The following SGCD variants were observed in gnomAD, a reference collection of about 807,000 sequenced individuals.
SGCD encodes delta-sarcoglycan.
Under a neutral mutation model 36.6 loss-of-function variants are expected in SGCD, and 18 were observed. The ratio of observed to expected loss-of-function variants is 0.49; its 90% CI spans 0.34 to 0.73. The LOEUF (loss-of-function observed/expected upper bound fraction) is 0.73, where lower values mean the gene tolerates loss of function less well. SGCD is among the 30% of genes least tolerant of loss of function. SGCD has a pLI of 0.01. For synonymous variants in SGCD, 133 were observed against 130.6 expected (o/e 1.02, Z -0.12); for missense variants, 387 against 346.7 (o/e 1.12, Z -0.92).
chr5:156,573,690 A>T (rs1201972318), intron 4 of SGCD, among the ~76,000 whole-genome samples: 2 of 151,910 alleles, frequency 1.3e-5, no homozygotes, highest in Non-Finnish European at 2.9e-5. Flanking sequence ...TCTTCTTGTT[A>T]TTTTTTATTA....
intron 1 of SGCD, among the ~76,000 whole-genome samples, chr5:155,986,173 G>A (rs1279728920): frequency 2.6e-5 from 4 of 151,932 alleles, no homozygotes; most frequent in African/African-American, 9.7e-5. Context: ...CATTTTATTG[G>A]TAATTATGTT....
In SGCD at chr5:156,594,915, C is replaced by G. The variant is rs1347380371; in HGVS notation, c.383-17C>G. On this transcript the variant is annotated splice_polypyrimidine_tract_variant and intron_variant, in intron 5 of 8. Transcript: ENST00000337851. ...TCCTCTCTCCTCTCTATCTCTCTAT[C>G]TCTCTATATCTCTCAGGTCCAAAAG... The G allele has an allele frequency of 1.3e-6, 2 of 1,540,422 alleles. No individual in the cohort carries two copies. Among genetic ancestry groups the G allele is most frequent in the South Asian group, 2.3e-5 (2 of 87,266 alleles).
chr5:156,374,382 A>G (rs1489836274), intron 3 of SGCD, among the ~76,000 whole-genome samples: 7 of 152,272 alleles, frequency 4.6e-5, no homozygotes, highest in Admixed American at 3.9e-4. Flanking sequence ...ACGCAAAAGT[A>G]ATCTGTGGAG....
At chr5:156,116,344 C>T (rs921025776) in intron 1 of SGCD, among the ~76,000 whole-genome samples, 3 of 151,930 alleles carry the variant, frequency 2.0e-5, no homozygotes, top group African/African-American at 7.3e-5. Flanking sequence ...TTGCATTTCT[C>T]TTATTATATA....
chr5:155,916,532 C>T (rs745374694), intron 1 of SGCD, among the ~76,000 whole-genome samples: 5 of 152,230 alleles, frequency 3.3e-5, no homozygotes, highest in Middle Eastern at 3.4e-3. Context: ...GGGTCATTGT[C>T]CCAAATTGCA....
chr5:156,517,210 G>C (rs1243534611), intron 4 of SGCD, among the ~76,000 whole-genome samples: 1 of 152,158 alleles, frequency 6.6e-6, no homozygotes, highest in Non-Finnish European at 1.5e-5. Flanking sequence ...AGTATCAATA[G>C]TGAAATAGAC....
intron 3 of SGCD, among the ~76,000 whole-genome samples, chr5:156,303,113 T>G (rs1431592399): frequency 6.6e-6 from 1 of 151,996 alleles, no homozygotes; most frequent in East Asian, 1.9e-4. Context: ...ATCTGGGAGG[T>G]AGGGTCTGGA....
At chr5:156,392,083 A>G (rs969892676) in intron 3 of SGCD, among the ~76,000 whole-genome samples, 2 of 152,222 alleles carry the variant, frequency 1.3e-5, no homozygotes, top group African/African-American at 4.8e-5. Flanking sequence ...TCACACTGAT[A>G]AAATACTTAC....
chr5:156,233,206 T>C (rs1379125602), intron 3 of SGCD, among the ~76,000 whole-genome samples: 2 of 152,228 alleles, frequency 1.3e-5, no homozygotes, highest in Non-Finnish European at 2.9e-5. Context: ...ATCCACTGCC[T>C]TTGTAAAATA....
intron 6 of SGCD, among the ~76,000 whole-genome samples, chr5:156,608,768 T>C (rs1761619458): frequency 6.6e-6 from 1 of 152,236 alleles, no homozygotes; most frequent in South Asian, 2.1e-4. Flanking sequence ...TTAGATCTTC[T>C]TGTTGAATTG....
chr5:156,364,851 C>T (rs1447555938), intron 3 of SGCD, among the ~76,000 whole-genome samples: 1 of 152,182 alleles, frequency 6.6e-6, no homozygotes, highest in African/African-American at 2.4e-5. Flanking sequence ...CTCTCCAGAA[C>T]TGTAGAGAGC....
At chr5:156,161,495 G>A (rs1051507552) in intron 3 of SGCD, among the ~76,000 whole-genome samples, 2 of 151,884 alleles carry the variant, frequency 1.3e-5, no homozygotes, top group Non-Finnish European at 2.9e-5. Flanking sequence ...GGCATCGTCT[G>A]TTGTCTGTTT....
chr5:155,927,131 T>C (rs1757009463), intron 1 of SGCD, among the ~76,000 whole-genome samples: 1 of 152,208 alleles, frequency 6.6e-6, no homozygotes, highest in Admixed American at 6.5e-5. Flanking sequence ...TATTTCTGTC[T>C]GTCATCTCTA....
Position 156,489,309 on chromosome 5 carries a change from C to T in SGCD, c.193-19292C>T, listed in dbSNP as rs544207756. On this transcript the variant is annotated intron_variant, in intron 3 of 8. Coordinates refer to ENST00000337851, the MANE Select transcript of SGCD (RefSeq NM_000337.6). ...TTGGGGACTTCAACACTGCTCTCAG[C>T]GTTGGAAAGATCATTTGCACAGAAA... 1.2e-3 allele frequency among the ~76,000 whole-genome samples: 177 copies of T among 152,090 alleles called. 1 individual carries two copies. The highest frequency in any genetic ancestry group is 4.0e-3 in the African/African-American group (165 of 41,532).
chr5:155,888,839 G>A (rs186045264), intron 1 of SGCD, among the ~76,000 whole-genome samples: 1 of 152,248 alleles, frequency 6.6e-6, no homozygotes, highest in Non-Finnish European at 1.5e-5. Flanking sequence ...TGTAGCAACA[G>A]TTTCTGAACT....
At chr5:156,559,615 C>G (rs1759189044) in intron 4 of SGCD, among the ~76,000 whole-genome samples, 1 of 152,132 alleles carries the variant, frequency 6.6e-6, no homozygotes, top group Non-Finnish European at 1.5e-5. Flanking sequence ...ACCAACTTCT[C>G]CTCAGCTTCC....
intron 7 of SGCD, among the ~76,000 whole-genome samples, chr5:156,730,307 A>G (rs1204029338): frequency 6.6e-6 from 1 of 152,110 alleles, no homozygotes; most frequent in Non-Finnish European, 1.5e-5. Flanking sequence ...TGTTTGTTAT[A>G]CAGATTATTT....
chr5:156,270,490 A>C (rs1332204295), intron 3 of SGCD, among the ~76,000 whole-genome samples: 1 of 152,156 alleles, frequency 6.6e-6, no homozygotes, highest in East Asian at 1.9e-4. Flanking sequence ...ATATGTTATA[A>C]ATGAGCTGAT....
the SGCD span, among the ~76,000 whole-genome samples, chr5:155,835,255 G>T: frequency 2.6e-5 from 4 of 151,864 alleles, no homozygotes; most frequent in Non-Finnish European, 5.9e-5. Flanking sequence ...TCATCCACCC[G>T]CCTCAGCCTC....
Sources: allele counts gnomAD v4.1 joint callset (sites outside exome capture counted in the v4.1 genomes callset), GRCh38; gene constraint gnomAD v4.1.1; transcripts MANE v1.5; gene names NCBI Gene and HGNC (gene_info 2026-07-23, HGNC 2026-07-21).